Variants in IL33 observed in about 807,000 individuals in gnomAD.
IL33 encodes the protein interleukin 33.
In IL33, 37 loss-of-function variants were observed where a neutral mutation model predicts 27.3. The ratio of observed to expected loss-of-function variants is 1.36; its 90% CI spans 1.04 to 1.78. The LOEUF (loss-of-function observed/expected upper bound fraction) is 1.78. IL33 is among the 40% of genes most tolerant of loss of function. The pLI is 0.00. For missense variants in IL33, 406 were observed against 311.4 expected (o/e 1.30, Z -2.29); for synonymous variants, 132 against 102.9 (o/e 1.28, Z -1.71).
intron 1 of IL33, among the ~76,000 whole-genome samples, chr9:6,235,357 T>C (rs1819141992): frequency 6.6e-6 from 1 of 152,208 alleles, no homozygotes; most frequent in Admixed American, 6.5e-5. Flanking sequence ...ACTTATTCTT[T>C]ATACCAAAAG....
Position 6,257,035 on chromosome 9 carries a change from G to C in IL33, c.*867G>C, listed in dbSNP as rs1486248315. ...TCACAACATGTTTTAGAGCATCCAA[G>C]TACCATATAATCCAACTATCATGGT... On this transcript the variant is annotated 3_prime_UTR_variant, in exon 8 of 8. Coordinates refer to ENST00000682010, the MANE Select transcript of IL33 (RefSeq NM_033439.4). 2 of 151,486 alleles carry C rather than the reference G, an allele frequency of 1.3e-5. No homozygotes were observed. The highest frequency in any genetic ancestry group is 1.3e-4 in the Admixed American group (2 of 15,162). 9.4% of individuals were successfully genotyped at this position (151,486 alleles called of 1,614,324 possible).
In IL33 at chr9:6,257,269, C is replaced by T. The variant is rs1816791114; in HGVS notation, c.*1101C>T. On this transcript the variant is annotated 3_prime_UTR_variant, in exon 8 of 8. Coordinates refer to ENST00000682010, the MANE Select transcript of IL33 (RefSeq NM_033439.4). ...CATGTGCACAAGTCTTTTTGTATTC[C>T]AGCTTCCTGATAACACTGCTTACTG... 6.6e-6 allele frequency: 1 copy of T among 152,088 alleles called. No individual in the cohort carries two copies. The highest frequency in any genetic ancestry group is 1.9e-4 in the East Asian group (1 of 5,196). The allele number at this position is 152,088 out of a possible 1,614,324, so 9.4% of individuals were successfully genotyped here.
rs75555495 is a variant in IL33 at position 6,234,526 on chromosome 9, G to T, written c.-11-7158G>T. 3.1e-3 allele frequency among the ~76,000 whole-genome samples: 471 copies of T among 152,290 alleles called. 4 individuals are homozygous for T. Among genetic ancestry groups the T allele is most frequent in the African/African-American group, 0.011 (450 of 41,552 alleles). On this transcript the variant is annotated intron_variant, in intron 1 of 7. Coordinates refer to ENST00000682010, the MANE Select transcript of IL33 (RefSeq NM_033439.4). ...TGCCCCTAAACTGGGAGTGAGACTTGGGTTTTAATCCTGACTCAGCCACTT... is the reference window on the plus strand; with the variant it reads ...TGCCCCTAAACTGGGAGTGAGACTTTGGTTTTAATCCTGACTCAGCCACTT...
At chr9:6,216,424 A>T (rs1030618642) in intron 1 of IL33, among the ~76,000 whole-genome samples, 8 of 152,224 alleles carry the variant, frequency 5.3e-5, no homozygotes, top group Non-Finnish European at 7.4e-5. Flanking sequence ...GCAATTGTTT[A>T]CAAGTGGTTT....
rs1417778615 is a variant in IL33 at position 6,256,307 on chromosome 9, T to G, written c.*139T>G. 1 of 618,720 alleles carries G rather than the reference T, an allele frequency of 1.6e-6. No individual in the cohort carries two copies. The highest frequency in any genetic ancestry group is 1.8e-5 in the African/African-American group (1 of 54,134). 38.3% of individuals were successfully genotyped at this position (618,720 alleles called of 1,614,324 possible). A position where few individuals can be genotyped will look rare whatever the true frequency, so the allele number is the denominator to read the frequency against. ...TGTGTGGAATGTTTTCCATATTATGTATAAAAATATTTTTTCTAATCCTCC... is the reference window on the plus strand; with the variant it reads ...TGTGTGGAATGTTTTCCATATTATGGATAAAAATATTTTTTCTAATCCTCC... On this transcript the variant is annotated 3_prime_UTR_variant, in exon 8 of 8. Transcript: ENST00000682010.
At chr9:6,249,677 A>G (rs1319125368) in intron 2 of IL33, among the ~76,000 whole-genome samples, 1 of 152,158 alleles carries the variant, frequency 6.6e-6, no homozygotes. Context: ...GGTGGTGGAA[A>G]GAATAGGTTT....
At chr9:6,217,487 C>T (rs1271442905) in intron 1 of IL33, among the ~76,000 whole-genome samples, 1 of 152,154 alleles carries the variant, frequency 6.6e-6, no homozygotes, top group Admixed American at 6.5e-5. Context: ...AAGTTAAAAG[C>T]ATGATGGGGG....
At chr9:6,221,707 G>A (rs1324307804) in intron 1 of IL33, among the ~76,000 whole-genome samples, 2 of 152,140 alleles carry the variant, frequency 1.3e-5, no homozygotes, top group Non-Finnish European at 1.5e-5. Flanking sequence ...GAACCATGCA[G>A]CAACTAGTAA....
chr9:6,231,163 G>A (rs1428244156), intron 1 of IL33, among the ~76,000 whole-genome samples: 1 of 152,116 alleles, frequency 6.6e-6, no homozygotes, highest in Non-Finnish European at 1.5e-5. Context: ...TTTCTCACAT[G>A]ATAGTCACAG....
intron 1 of IL33, among the ~76,000 whole-genome samples, chr9:6,238,753 C>A (rs147049843): frequency 3.3e-5 from 5 of 152,036 alleles, no homozygotes; most frequent in Non-Finnish European, 5.9e-5. Context: ...AAAGAAGAAG[C>A]AATAATTATT....
intron 1 of IL33, among the ~76,000 whole-genome samples, chr9:6,216,280 G>A (rs112521880): frequency 5.9e-5 from 9 of 152,248 alleles, no homozygotes; most frequent in African/African-American, 1.4e-4. Flanking sequence ...ACAGGCACAC[G>A]CCACTATGCC....
At chr9:6,250,634 T>A in intron 3 of IL33, 35 bp downstream of exon 3, 1 of 1,600,328 alleles carries the variant, frequency 6.2e-7, no homozygotes. Context: ...GCAATAGTGA[T>A]AAGTATCTGT....
intron 1 of IL33, among the ~76,000 whole-genome samples, chr9:6,218,880 CATATATATATATGTTCTCCATATATATAT>C (rs1818285223): frequency 7.1e-5 from 4 of 56,292 alleles, no homozygotes; most frequent in South Asian, 1.2e-3. Context: ...ATATGTTCTC[CATATATATATATGTTCTCCATATATATAT>C]ATATATATAT....
chr9:6,253,649 G>C (rs755591762), intron 6 of IL33, 47 bp downstream of exon 6: 19 of 1,463,204 alleles, frequency 1.3e-5, no homozygotes, highest in East Asian at 2.3e-5. Context: ...TCTTAAGTAT[G>C]GGGTAAAGAT....
chr9:6,216,676 A>T (rs1276587452), intron 1 of IL33, among the ~76,000 whole-genome samples: 1 of 152,146 alleles, frequency 6.6e-6, no homozygotes, highest in Non-Finnish European at 1.5e-5. Flanking sequence ...TGAACCCAGG[A>T]GGTGGAGGTT....
intron 2 of IL33, among the ~76,000 whole-genome samples, chr9:6,249,129 G>T (rs1816184697): frequency 1.3e-5 from 2 of 152,182 alleles, no homozygotes; most frequent in East Asian, 3.8e-4. Flanking sequence ...TCTAGAGTGG[G>T]TGTGAATATA....
intron 1 of IL33, among the ~76,000 whole-genome samples, chr9:6,217,684 G>A (rs141331054): frequency 3.5e-4 from 53 of 152,310 alleles, no homozygotes; most frequent in Non-Finnish European, 7.1e-4. Flanking sequence ...TTCATTTACA[G>A]ACTTTCCTTT....
chr9:6,235,377 GTCAA>G (rs1195214111), intron 1 of IL33, among the ~76,000 whole-genome samples: 1 of 152,064 alleles, frequency 6.6e-6, no homozygotes, highest in African/African-American at 2.4e-5. Context: ...GTAACACTGA[GTCAA>G]TCAAAGATTT....
Position 6,251,130 on chromosome 9 carries a change from C to T in IL33, c.218-10C>T, listed in dbSNP as rs775376169. Reference sequence around the variant, plus strand: ...TTGATGGTCTATCCCTAATCCCATCCGGTCTGCAGGTAGAAAGCACAAAAG... The same window carrying T: ...TTGATGGTCTATCCCTAATCCCATCTGGTCTGCAGGTAGAAAGCACAAAAG... On this transcript the variant is annotated splice_polypyrimidine_tract_variant and intron_variant, in intron 3 of 7. Coordinates refer to ENST00000682010, the MANE Select transcript of IL33 (RefSeq NM_033439.4). 42 of 1,612,700 alleles carry T rather than the reference C, an allele frequency of 2.6e-5. No homozygotes were observed. Among genetic ancestry groups the T allele is most frequent in the South Asian group, 5.5e-5 (5 of 91,014 alleles).
Sources: gnomAD v4.1 joint callset for allele counts (sites outside exome capture counted in the v4.1 genomes callset) on GRCh38, gnomAD v4.1.1 for gene constraint, MANE v1.5 for transcripts, NCBI Gene and HGNC (gene_info 2026-07-23, HGNC 2026-07-21) for gene names.